Variants in MYRIP observed in about 807,000 individuals in gnomAD.
MYRIP encodes the protein rab effector MyRIP.
Under a neutral mutation model 98.0 loss-of-function variants are expected in MYRIP, and 49 were observed. The observed-to-expected ratio is 0.50, with a 90% CI of 0.40 to 0.63. The LOEUF (loss-of-function observed/expected upper bound fraction) is 0.63. MYRIP is among the 30% of genes least tolerant of loss of function. The pLI is 0.00. For synonymous variants in MYRIP, 404 were observed against 409.5 expected, an observed-to-expected ratio of 0.99 and a Z score of 0.16; for missense variants, 1,004 against 1,058.2, an observed-to-expected ratio of 0.95 and a Z score of 0.71.
intron 4 of MYRIP, among the ~76,000 whole-genome samples, chr3:40,159,342 T>C (rs1259254395): frequency 6.6e-6 from 1 of 152,252 alleles, no homozygotes; most frequent in Non-Finnish European, 1.5e-5. Flanking sequence ...TTCTGGCTTG[T>C]AGAGTTTCTG....
chr3:40,235,257 T>C (rs1272392469), intron 12 of MYRIP, among the ~76,000 whole-genome samples: 1 of 152,200 alleles, frequency 6.6e-6, no homozygotes, highest in Non-Finnish European at 1.5e-5. Context: ...TAACCAGCCA[T>C]TGCTAGTGGA....
chr3:40,098,439 CA>C (rs974710962), intron 3 of MYRIP, among the ~76,000 whole-genome samples: 21 of 151,852 alleles, frequency 1.4e-4, no homozygotes, highest in Admixed American at 9.2e-4. Flanking sequence ...TGGCAGTGGG[CA>C]AAAAAAGACT....
chr3:40,043,348 C>CT (rs893223064), intron 2 of MYRIP, among the ~76,000 whole-genome samples: 26 of 151,058 alleles, frequency 1.7e-4, no homozygotes, highest in South Asian at 4.2e-4. Context: ...AATTTTTTTT[C>CT]TTTTTTTTTC....
chr3:40,044,593 A>G (rs2125832848), intron 3 of MYRIP, among the ~76,000 whole-genome samples: 1 of 152,298 alleles, frequency 6.6e-6, no homozygotes. Flanking sequence ...TTGCATAAGC[A>G]TGTGTTGGAT....
intron 1 of MYRIP, among the ~76,000 whole-genome samples, chr3:39,822,396 T>A (rs1941126637): frequency 6.6e-6 from 1 of 152,340 alleles, no homozygotes; most frequent in South Asian, 2.1e-4. Flanking sequence ...CCAGAATGGC[T>A]TTGAATGTGG....
intron 3 of MYRIP, among the ~76,000 whole-genome samples, chr3:40,080,791 C>CTTTTTTTTTT (rs34610302): frequency 7.5e-5 from 7 of 93,850 alleles, no homozygotes; most frequent in Middle Eastern, 7.4e-3. Flanking sequence ...ATCCTAACTT[C>CTTTTTTTTTT]TTTTTTTTTT....
chr3:40,043,654 C>G (rs1947597509), intron 2 of MYRIP, among the ~76,000 whole-genome samples: 1 of 152,138 alleles, frequency 6.6e-6, no homozygotes, highest in Non-Finnish European at 1.5e-5. Flanking sequence ...ATATTCCCAG[C>G]TGGGCTGTGT....
At chr3:39,953,451 A>G (rs1280620866) in intron 2 of MYRIP, among the ~76,000 whole-genome samples, 1 of 152,162 alleles carries the variant, frequency 6.6e-6, no homozygotes, top group African/African-American at 2.4e-5. Flanking sequence ...TTCATTGATT[A>G]ATGCTTTCAT....
intron 1 of MYRIP, among the ~76,000 whole-genome samples, chr3:39,848,031 T>C (rs1386555151): frequency 6.6e-6 from 1 of 152,170 alleles, no homozygotes; most frequent in Non-Finnish European, 1.5e-5. Context: ...GGCTAGAGGG[T>C]ACTGCAAAAG....
chr3:39,971,539 G>A (rs1945584566), intron 2 of MYRIP, among the ~76,000 whole-genome samples: 1 of 151,856 alleles, frequency 6.6e-6, no homozygotes, highest in African/African-American at 2.4e-5. Context: ...ATTCATCTTG[G>A]AGAAGGTTCA....
In MYRIP at chr3:39,904,948, C is replaced by A. The variant is rs73074768; in HGVS notation, c.110+4022C>A. ...GATAGGCCTGAGAATAGTAGACAGG[C>A]AATACCAGATACTGGAGGTGAGGAC... is the stretch of plus-strand genomic sequence containing the variant. On this transcript the variant is annotated intron_variant, in intron 2 of 16. Coordinates refer to ENST00000302541, the MANE Select transcript of MYRIP (RefSeq NM_015460.4). 4.7e-4 allele frequency among the ~76,000 whole-genome samples: 72 copies of A among 152,194 alleles called. 1 individual carries two copies. The highest frequency in any genetic ancestry group is 1.6e-3 in the Admixed American group (25 of 15,284).
chr3:39,857,511 C>A (rs1170293228), intron 1 of MYRIP, among the ~76,000 whole-genome samples: 1 of 151,808 alleles, frequency 6.6e-6, no homozygotes, highest in Non-Finnish European at 1.5e-5. Context: ...GGAAAGAATC[C>A]CTGAACTCTA....
At position 40,166,953 on chromosome 3, in the gene MYRIP, C is replaced by T. The variant is rs1950513665; in HGVS notation, c.648+10C>T. Reference sequence around the variant, plus strand: ...ATATGGGGACAGCCTGGTAGGGCCCCTCCTGCTCCTCTCTGTGGGGGGAGG... The same window carrying T: ...ATATGGGGACAGCCTGGTAGGGCCCTTCCTGCTCCTCTCTGTGGGGGGAGG... On this transcript the variant is annotated intron_variant, in intron 6 of 16. Transcript: ENST00000302541. 1 of 1,603,710 alleles carries T rather than the reference C, an allele frequency of 6.2e-7. No individual in the cohort carries two copies. Among genetic ancestry groups the T allele is most frequent in the Non-Finnish European group, 8.5e-7 (1 of 1,170,626 alleles).
chr3:40,128,575 TAAA>T (rs936574643), intron 3 of MYRIP, among the ~76,000 whole-genome samples: 2 of 152,204 alleles, frequency 1.3e-5, no homozygotes, highest in Non-Finnish European at 2.9e-5. Flanking sequence ...GAGATATTTG[TAAA>T]AGACAAAGAA....
Position 40,183,018 on chromosome 3 carries a change from C to T in MYRIP, c.1027+645C>T, listed in dbSNP as rs559596041. Among the ~76,000 whole-genome samples the T allele has an allele frequency of 1.8e-3, 273 of 152,328 alleles. 1 individual carries two copies. Among genetic ancestry groups the T allele is most frequent in the Non-Finnish European group, 2.9e-3 (199 of 68,032 alleles). On this transcript the variant is annotated intron_variant, in intron 9 of 16. Coordinates refer to ENST00000302541, the MANE Select transcript of MYRIP (RefSeq NM_015460.4). The stretch of plus-strand genomic sequence containing the variant: ...AAAGTACAAGGTTCCCACCTTGTGG[C>T]TCTATCATCCTCCAGGGCCTCTGAG...
At chr3:40,147,846 T>C (rs1950040420) in intron 3 of MYRIP, among the ~76,000 whole-genome samples, 2 of 152,234 alleles carry the variant, frequency 1.3e-5, no homozygotes, top group Non-Finnish European at 2.9e-5. Flanking sequence ...TTGGGCTGCC[T>C]ACCTTCCAGA....
intron 11 of MYRIP, among the ~76,000 whole-genome samples, chr3:40,211,273 A>G (rs1951920344): frequency 6.6e-6 from 1 of 152,154 alleles, no homozygotes; most frequent in Non-Finnish European, 1.5e-5. Context: ...TGTCCCAAGT[A>G]TATACTGTGT....
intron 1 of MYRIP, among the ~76,000 whole-genome samples, chr3:39,828,856 G>A (rs1941349858): frequency 6.6e-6 from 1 of 152,100 alleles, no homozygotes; most frequent in Non-Finnish European, 1.5e-5. Context: ...ATATATCAGA[G>A]TTTCTTTATC....
chr3:40,134,830 T>C (rs1049129532), intron 3 of MYRIP, among the ~76,000 whole-genome samples: 3 of 152,232 alleles, frequency 2.0e-5, no homozygotes, highest in South Asian at 2.1e-4. Context: ...GTCCTGACTG[T>C]TAGAAGGAAA....
Sources: allele counts gnomAD v4.1 joint callset (sites outside exome capture counted in the v4.1 genomes callset), GRCh38; gene constraint gnomAD v4.1.1; transcripts MANE v1.5; gene names NCBI Gene and HGNC (gene_info 2026-07-23, HGNC 2026-07-21).